Variants in ZNF565 observed in about 807,000 individuals in gnomAD.
ZNF565 encodes zinc finger protein 565.
A neutral mutation model predicts 39.4 loss-of-function variants in ZNF565; 27 were observed. That is an observed-to-expected ratio of 0.69 (90% confidence interval 0.51 to 0.95). The LOEUF is 0.95. Ranked by LOEUF, ZNF565 falls within the 40% of genes least tolerant of loss-of-function variation. ZNF565 has a pLI of 0.00. For missense variants in ZNF565, 524 were observed against 621.1 expected, an observed-to-expected ratio of 0.84 and a Z score of 1.66; for synonymous variants, 185 against 216.6, an observed-to-expected ratio of 0.85 and a Z score of 1.28.
intron 4 of ZNF565, among the ~76,000 whole-genome samples, chr19:36,189,443 T>C (rs1975444161): frequency 6.6e-6 from 1 of 151,568 alleles, no homozygotes; most frequent in African/African-American, 2.4e-5. Flanking sequence ...GCCTCCCAAG[T>C]AGCTGGGATT....
intron 4 of ZNF565, among the ~76,000 whole-genome samples, chr19:36,192,967 C>T (rs1482697010): frequency 6.8e-6 from 1 of 147,392 alleles, no homozygotes; most frequent in Admixed American, 6.9e-5. Context: ...CAGGCACCCA[C>T]AACCATGCTC....
chr19:36,230,991 A>G (rs1253236963), intron 1 of ZNF565, among the ~76,000 whole-genome samples: 1 of 152,084 alleles, frequency 6.6e-6, no homozygotes, highest in African/African-American at 2.4e-5. Context: ...AGTAGAGTCG[A>G]GGTTTCACCA....
chr19:36,194,284 C>T lies in ZNF565; in HGVS notation c.181G>A (p.Gly61Arg), dbSNP rs777404495. 3.1e-6 allele frequency: 5 copies of T among 1,613,072 alleles called. No individual in the cohort carries two copies. The highest frequency in any genetic ancestry group is 4.2e-6 in the Non-Finnish European group (5 of 1,179,580). ...KPDVVSLLEQ[G>R]KEPWMIANDV... ...TTTGCAATCATCCAGGGCTCTTTCC[C>T]TTGCTCCAATAAGGAGACGACATCA... is the stretch of plus-strand genomic sequence containing the variant. Residue 61 changes from glycine to arginine, a missense_variant, in exon 4 of 5, where the codon GGG becomes AGG. Physicochemically the swap from Gly to Arg is moderately radical, Grantham distance 125. Transcript: ENST00000304116.
chr19:36,214,585 A>C (rs1172175493), intron 1 of ZNF565, 37 bp downstream of exon 1: 3 of 153,042 alleles, frequency 2.0e-5, no homozygotes, highest in African/African-American at 2.4e-5. Context: ...GGCTCCGGAC[A>C]CGCCCCGGCC....
intron 1 of ZNF565, among the ~76,000 whole-genome samples, chr19:36,242,562 C>G (rs764202328): frequency 1.1e-4 from 17 of 151,840 alleles, no homozygotes; most frequent in Non-Finnish European, 2.2e-4. Context: ...CCCGTCTCTA[C>G]TAAGAATACA....
At chr19:36,211,783 ACT>A (rs1976369393) in intron 1 of ZNF565, among the ~76,000 whole-genome samples, 1 of 150,766 alleles carries the variant, frequency 6.6e-6, no homozygotes, top group South Asian at 2.1e-4. Context: ...ACAGAGCAAG[ACT>A]CTGTCTCAAA....
At chr19:36,216,784 A>T (rs770466686), upstream of ZNF565, among the ~76,000 whole-genome samples, 1 of 151,758 alleles carries the variant, frequency 6.6e-6, no homozygotes, top group Non-Finnish European at 1.5e-5. Flanking sequence ...TGAGAAAGAA[A>T]AGGCGTTGAG....
intron 1 of ZNF565, among the ~76,000 whole-genome samples, chr19:36,239,645 G>C (rs914771009): frequency 1.3e-5 from 2 of 152,128 alleles, no homozygotes; most frequent in Non-Finnish European, 2.9e-5. Context: ...TTTAAAAAGA[G>C]AAAACAACTT....
At chr19:36,197,053 T>G (rs781066224) in intron 2 of ZNF565, among the ~76,000 whole-genome samples, 9 of 149,360 alleles carry the variant, frequency 6.0e-5, no homozygotes, top group Non-Finnish European at 3.0e-5. Flanking sequence ...GAAACTCTGT[T>G]TAAAAAAAAA....
chr19:36,215,859 C>T (rs946401444), upstream of ZNF565, among the ~76,000 whole-genome samples: 1 of 152,140 alleles, frequency 6.6e-6, no homozygotes, highest in Admixed American at 6.6e-5. Context: ...TTAGGTTAGG[C>T]ACAGTTATCC....
In ZNF565 at chr19:36,195,027, T is replaced by C. The variant is rs557906912; in HGVS notation, c.136+3A>G. On this transcript the variant is annotated splice_donor_region_variant and intron_variant, in intron 3 of 4. Coordinates refer to ENST00000304116, the MANE Select transcript of ZNF565 (RefSeq NM_152477.5). ...TCTGGCCCGTGTGATACAATCTCCT[T>C]ACCTAGTGAGGCCAAGTGACCAAAG... is the stretch of plus-strand genomic sequence containing the variant. 1.2e-6 allele frequency: 2 copies of C among 1,614,126 alleles called. No individual in the cohort carries two copies. The highest frequency in any genetic ancestry group is 4.5e-5 in the East Asian group (2 of 44,880).
rs1975125674 is a variant in ZNF565 at position 36,182,653 on chromosome 19, T to C, written c.1313A>G (p.Gln438Arg). The C allele has an allele frequency of 6.2e-7, 1 of 1,614,014 alleles. No individual in the cohort carries two copies. The highest frequency in any genetic ancestry group is 1.3e-5 in the African/African-American group (1 of 74,932). The stretch of plus-strand genomic sequence containing the variant: ...GGGTTTCTCACAAGTGTGAATTCGC[T>C]GATGATGAGTCAGTTGTGAAACACG... The part of the protein sequence containing the change: ...FIRVSQLTHH[Q>R]RIHTCEKPYE... The change falls in exon 5 of 5, where the codon CAG (glutamine) becomes CGG (arginine). Residue 438 changes from glutamine to arginine, a missense_variant. Gln to Arg is a conservative substitution (Grantham distance 43). Transcript: ENST00000304116.
intron 4 of ZNF565, among the ~76,000 whole-genome samples, chr19:36,188,934 G>GAAAAAA (rs1290906830): frequency 1.5e-4 from 23 of 152,036 alleles, no homozygotes; most frequent in African/African-American, 5.3e-4. Flanking sequence ...AGATACAAAA[G>GAAAAAA]GCCACATACT....
intron 1 of ZNF565, among the ~76,000 whole-genome samples, chr19:36,206,837 C>T (rs1186451850): frequency 6.6e-6 from 1 of 151,892 alleles, no homozygotes; most frequent in Non-Finnish European, 1.5e-5. Context: ...CAAACAACAA[C>T]AATAACAACA....
chr19:36,232,214 A>G (rs941840183), intron 1 of ZNF565, among the ~76,000 whole-genome samples: 1 of 146,910 alleles, frequency 6.8e-6, no homozygotes, highest in African/African-American at 2.5e-5. Flanking sequence ...AAAAAAAAAC[A>G]TACAAATTAT....
intron 1 of ZNF565, among the ~76,000 whole-genome samples, chr19:36,244,011 TTC>T (rs1412101710): frequency 1.3e-5 from 2 of 152,162 alleles, no homozygotes; most frequent in Non-Finnish European, 2.9e-5. Flanking sequence ...CTTCCCTTTT[TTC>T]TGTTTTTCTT....
At chr19:36,231,696 G>C (rs1977377045) in intron 1 of ZNF565, among the ~76,000 whole-genome samples, 2 of 152,084 alleles carry the variant, frequency 1.3e-5, no homozygotes, top group African/African-American at 4.8e-5. Flanking sequence ...GATTACCTCA[G>C]ACCAGTTTCA....
chr19:36,237,113 T>C, intron 1 of ZNF565: 1 of 1,614,180 alleles, frequency 6.2e-7, no homozygotes, highest in Non-Finnish European at 8.5e-7. Context: ...CTCTCAGAGC[T>C]CATCTCTCAC....
intron 2 of ZNF565, 145 bp from the exon 3 acceptor site, chr19:36,195,301 GT>G: frequency 1.0e-6 from 1 of 971,412 alleles, no homozygotes; most frequent in Non-Finnish European, 1.5e-6. Flanking sequence ...AGTTAACAAG[GT>G]GTACCCTGTT....
Sources: allele counts gnomAD v4.1 joint callset (sites outside exome capture counted in the v4.1 genomes callset), GRCh38; gene constraint gnomAD v4.1.1; transcripts MANE v1.5; gene names NCBI Gene and HGNC (gene_info 2026-07-23, HGNC 2026-07-21).